The following ARMC2 variants were observed in gnomAD, a reference collection of about 807,000 sequenced individuals.
ARMC2 encodes the protein armadillo repeat-containing protein 2.
ARMC2 carries 67 observed loss-of-function variants against 90.3 expected under a neutral mutation model. The ratio of observed to expected loss-of-function variants is 0.74; its 90% confidence interval spans 0.61 to 0.91. The LOEUF is 0.91. Ranked by LOEUF, ARMC2 falls within the 40% of genes least tolerant of loss-of-function variation. The probability of loss-of-function intolerance (pLI) is 0.00; values close to 1 mark genes in which losing one functional copy is unlikely to be tolerated. For synonymous variants in ARMC2, 393 were observed against 393.0 expected (o/e 1.00, Z 0.00); for missense variants, 920 against 1,030.9 (o/e 0.89, Z 1.47).
At chr6:108,987,612 G>C in the ARMC2 span, 1 of 1,595,396 alleles carries the variant, frequency 6.3e-7, no homozygotes, top group Non-Finnish European at 8.6e-7. Context: ...GCTTCTATAA[G>C]AAGCAGATTA....
intron 10 of ARMC2, among the ~76,000 whole-genome samples, chr6:108,925,556 C>G (rs1015001479): frequency 6.6e-6 from 1 of 152,122 alleles, no homozygotes; most frequent in Non-Finnish European, 1.5e-5. Context: ...TGAAGCTTGA[C>G]GGGTTGAGAA....
chr6:108,985,061 A>G, the ARMC2 span, among the ~76,000 whole-genome samples: 1 of 152,208 alleles, frequency 6.6e-6, no homozygotes, highest in Non-Finnish European at 1.5e-5. Flanking sequence ...GATGATTCAT[A>G]TATGATATTC....
At chr6:109,009,677 G>T in the ARMC2 span, 1 of 500,828 alleles carries the variant, frequency 2.0e-6, no homozygotes, top group Non-Finnish European at 2.6e-6. Context: ...CCGCCCCTCC[G>T]GCGCGGAGGC....
intron 3 of ARMC2, among the ~76,000 whole-genome samples, chr6:108,866,459 C>T (rs768405257): frequency 6.6e-6 from 1 of 152,152 alleles, no homozygotes; most frequent in Admixed American, 6.6e-5. Flanking sequence ...AACAAGCCTG[C>T]GTCAGAGGCT....
At chr6:109,028,584 AG>A in the ARMC2 span, among the ~76,000 whole-genome samples, 2 of 151,832 alleles carry the variant, frequency 1.3e-5, no homozygotes, top group East Asian at 3.8e-4. Context: ...GGGCAATACT[AG>A]GGGGTAAGAC....
At chr6:108,998,607 C>G in the ARMC2 span, 1 of 1,613,928 alleles carries the variant, frequency 6.2e-7, no homozygotes, top group Non-Finnish European at 8.5e-7. Flanking sequence ...AGAAGGAGGT[C>G]TGAATGTGTG....
intron 3 of ARMC2, among the ~76,000 whole-genome samples, chr6:108,867,837 G>T (rs896231870): frequency 6.6e-5 from 10 of 151,762 alleles, no homozygotes; most frequent in Non-Finnish European, 1.5e-5. Flanking sequence ...CGGGAGCTGA[G>T]GCCGGAGAAT....
chr6:109,048,003 T>C, the ARMC2 span, among the ~76,000 whole-genome samples: 4 of 148,880 alleles, frequency 2.7e-5, no homozygotes, highest in African/African-American at 7.4e-5. Flanking sequence ...AGACCTTTGT[T>C]CACTTGTTTA....
At position 108,942,260 on chromosome 6, in the gene ARMC2, A is replaced by G. The variant is rs150216791; in HGVS notation, c.1596+5261A>G. ...TAAAAAATATTTTTTCTAGTACTCG[A>G]GTGCTTCTTCCTTAAATATGTACTT... On this transcript the variant is annotated intron_variant, in intron 12 of 17. Coordinates refer to ENST00000392644, the MANE Select transcript of ARMC2 (RefSeq NM_032131.6). Among the ~76,000 whole-genome samples, 1,224 of 152,312 alleles carry G rather than the reference A, an allele frequency of 8.0e-3. 5 individuals are homozygous for G. The highest frequency in any genetic ancestry group is 0.012 in the Non-Finnish European group (819 of 68,030).
At chr6:108,979,769 T>C in the ARMC2 span, among the ~76,000 whole-genome samples, 2 of 151,792 alleles carry the variant, frequency 1.3e-5, no homozygotes, top group Non-Finnish European at 2.9e-5. Flanking sequence ...TATCCTTTCT[T>C]CTGCTTGATA....
rs114256940 is a variant in ARMC2, at chr6:108,871,970, G to A, written c.463+2975G>A. Among the ~76,000 whole-genome samples the A allele has an allele frequency of 5.1e-4, 78 of 152,346 alleles. 1 individual carries two copies. The highest frequency in any genetic ancestry group is 1.9e-3 in the African/African-American group (77 of 41,582). On this transcript the variant is annotated intron_variant, in intron 4 of 17. Transcript: ENST00000392644. ...AGTCATTGTTATTTTAAAAGCACATGTCATCCAATTATAAAGTTATAAAAA... is the reference window on the plus strand; with the variant it reads ...AGTCATTGTTATTTTAAAAGCACATATCATCCAATTATAAAGTTATAAAAA...
the ARMC2 span, chr6:109,009,575 G>C: frequency 9.1e-7 from 1 of 1,096,670 alleles, no homozygotes; most frequent in Non-Finnish European, 1.1e-6. Flanking sequence ...GGGCGGCGCC[G>C]ACAAACAAGC....
rs1021467763 is a variant in ARMC2, at chr6:108,894,018, C to A, written c.672-449C>A. On this transcript the variant is annotated intron_variant, in intron 5 of 17. Coordinates refer to ENST00000392644, the MANE Select transcript of ARMC2 (RefSeq NM_032131.6). ...AACACAAAAACAAAAACAAAAAAAACCCACATATAGAGCACCAAACCCCAT... is the reference window on the plus strand; with the variant it reads ...AACACAAAAACAAAAACAAAAAAAAACCACATATAGAGCACCAAACCCCAT... Among the ~76,000 whole-genome samples the A allele has an allele frequency of 1.8e-4, 27 of 152,084 alleles. 1 individual carries two copies. Among genetic ancestry groups the A allele is most frequent in the African/African-American group, 5.5e-4 (23 of 41,510 alleles).
chr6:108,909,127 C>T (rs1016325558), intron 8 of ARMC2, among the ~76,000 whole-genome samples: 1 of 152,136 alleles, frequency 6.6e-6, no homozygotes, highest in Non-Finnish European at 1.5e-5. Context: ...AACTAATCAC[C>T]TATATGCCAT....
intron 5 of ARMC2, among the ~76,000 whole-genome samples, chr6:108,878,523 T>C (rs999250363): frequency 6.6e-6 from 1 of 152,172 alleles, no homozygotes. Context: ...CTGCAATAAT[T>C]GTATACCCTC....
intron 4 of ARMC2, among the ~76,000 whole-genome samples, chr6:108,870,272 A>G (rs1368071503): frequency 6.6e-6 from 1 of 151,984 alleles, no homozygotes; most frequent in Non-Finnish European, 1.5e-5. Flanking sequence ...GAAGAATCTC[A>G]TGGAAGAATC....
rs77078715 is a variant in ARMC2, at chr6:108,929,291, T to G, written c.1496+1058T>G. Among the ~76,000 whole-genome samples, 1,155 of 152,308 alleles carry G rather than the reference T, an allele frequency of 7.6e-3. 22 individuals carry two copies. Among genetic ancestry groups the G allele is most frequent in the African/African-American group, 0.027 (1,111 of 41,560 alleles). ...CAACTTCATATTTTTCCCATGTGGA[T>G]AGTTGATTGTTCCAGCACCTTTTAC... On this transcript the variant is annotated intron_variant, in intron 11 of 17. Transcript: ENST00000392644.
chr6:108,988,238 A>C, the ARMC2 span: 1 of 215,516 alleles, frequency 4.6e-6, no homozygotes, highest in Non-Finnish European at 9.1e-6. Flanking sequence ...TTCTATAAAG[A>C]TGTTTCAAAG....
chr6:108,912,162 T>A (rs545263781), intron 9 of ARMC2, among the ~76,000 whole-genome samples, 173 bp from the exon 10 acceptor site: 12 of 152,308 alleles, frequency 7.9e-5, no homozygotes, highest in Admixed American at 7.2e-4. Flanking sequence ...GAGACTTATC[T>A]TAGCTAAAAG....
Sources: gnomAD v4.1 joint callset for allele counts (sites outside exome capture counted in the v4.1 genomes callset) on GRCh38, gnomAD v4.1.1 for gene constraint, MANE v1.5 for transcripts, NCBI Gene and HGNC (gene_info 2026-07-23, HGNC 2026-07-21) for gene names.